MAPK10: variants seen among roughly 807,000 people sequenced by gnomAD.
MAPK10 encodes the protein mitogen-activated protein kinase 10.
A neutral mutation model predicts 59.3 loss-of-function variants in MAPK10; 25 were observed. That is an observed-to-expected ratio of 0.42 (90% CI 0.31 to 0.59). The LOEUF (loss-of-function observed/expected upper bound fraction) is 0.59, where lower values mean the gene tolerates loss of function less well. MAPK10 is among the 20% of genes least tolerant of loss of function. MAPK10 has a pLI of 0.15. For synonymous variants in MAPK10, 190 were observed against 200.5 expected, an observed-to-expected ratio of 0.95 and a Z score of 0.44; for missense variants, 351 against 568.9, an observed-to-expected ratio of 0.62 and a Z score of 3.90.
intron 1 of MAPK10, among the ~76,000 whole-genome samples, chr4:86,389,210 C>T (rs1321576068): frequency 6.6e-6 from 1 of 152,122 alleles, no homozygotes; most frequent in Non-Finnish European, 1.5e-5. Flanking sequence ...AAGATATGCT[C>T]ACTCCCCCTT....
chr4:86,583,360 T>C (rs1475807523), intron 1 of MAPK10, among the ~76,000 whole-genome samples: 1 of 152,078 alleles, frequency 6.6e-6, no homozygotes, highest in African/African-American at 2.4e-5. Context: ...ATGCCTACCT[T>C]TTCTAGAAGC....
chr4:86,084,164 G>T (rs1451116564), intron 9 of MAPK10, among the ~76,000 whole-genome samples: 1 of 152,146 alleles, frequency 6.6e-6, no homozygotes, highest in Non-Finnish European at 1.5e-5. Flanking sequence ...AAAAGCAGAG[G>T]GAAAGTAAAG....
intron 1 of MAPK10, among the ~76,000 whole-genome samples, chr4:86,570,874 T>C (rs746329465): frequency 2.6e-5 from 4 of 152,124 alleles, no homozygotes; most frequent in Non-Finnish European, 4.4e-5. Context: ...TAGTCGCCCA[T>C]GGCCAGTTTG....
chr4:86,440,684 A>T (rs1267484777), intron 1 of MAPK10, among the ~76,000 whole-genome samples: 1 of 152,134 alleles, frequency 6.6e-6, no homozygotes, highest in Non-Finnish European at 1.5e-5. Context: ...AATAAAATAT[A>T]ATAGAATATG....
At chr4:86,390,142 C>A (rs2149008077) in intron 1 of MAPK10, among the ~76,000 whole-genome samples, 1 of 152,236 alleles carries the variant, frequency 6.6e-6, no homozygotes, top group East Asian at 1.9e-4. Flanking sequence ...TATCATTTTA[C>A]TACATACATA....
intron 4 of MAPK10, among the ~76,000 whole-genome samples, chr4:86,157,834 A>G (rs898560478): frequency 6.6e-6 from 1 of 152,036 alleles, no homozygotes; most frequent in African/African-American, 2.4e-5. Flanking sequence ...TTTTTGAGTC[A>G]TTAAAGGTCT....
intron 2 of MAPK10, among the ~76,000 whole-genome samples, chr4:86,292,269 C>T (rs1373419600): frequency 6.6e-6 from 1 of 152,114 alleles, no homozygotes; most frequent in Non-Finnish European, 1.5e-5. Context: ...ATCTCAATGG[C>T]TATTAAGAAA....
In MAPK10 at chr4:86,292,169, G is replaced by A. The variant is rs184324917; in HGVS notation, c.-7+62361C>T. Among the ~76,000 whole-genome samples the A allele has an allele frequency of 1.4e-3, 208 of 152,258 alleles. 2 individuals are homozygous for A. The highest frequency in any genetic ancestry group is 4.5e-3 in the African/African-American group (187 of 41,554). ...AGAGTAAGAATACTTTTTAAAAATAGTATCTGGTATTCTATTTCCTATAAA... is the reference window on the plus strand; with the variant it reads ...AGAGTAAGAATACTTTTTAAAAATAATATCTGGTATTCTATTTCCTATAAA... On this transcript the variant is annotated intron_variant, in intron 2 of 13. Transcript: ENST00000641462.
intron 4 of MAPK10, among the ~76,000 whole-genome samples, chr4:86,109,841 A>T (rs889782970): frequency 6.6e-6 from 1 of 152,200 alleles, no homozygotes; most frequent in Non-Finnish European, 1.5e-5. Context: ...ACTAATTTAC[A>T]TTCCCACCAA....
chr4:86,372,599 G>GA (rs2148994582), intron 1 of MAPK10, among the ~76,000 whole-genome samples: 1 of 103,606 alleles, frequency 9.7e-6, no homozygotes, highest in African/African-American at 4.2e-5. Flanking sequence ...AAAAGAAAAG[G>GA]AAAGAAACTC....
intron 2 of MAPK10, among the ~76,000 whole-genome samples, chr4:86,206,225 G>C (rs1038421256): frequency 6.6e-6 from 1 of 151,352 alleles, no homozygotes; most frequent in African/African-American, 2.4e-5. Flanking sequence ...TCCCCAGAGT[G>C]TGATGTTCCC....
chr4:86,156,855 C>A (rs2067934585), intron 4 of MAPK10, among the ~76,000 whole-genome samples: 1 of 152,010 alleles, frequency 6.6e-6, no homozygotes, highest in Non-Finnish European at 1.5e-5. Context: ...AAAAACTCAT[C>A]TTGCAGATTA....
At chr4:86,405,970 G>A (rs1744312679) in intron 1 of MAPK10, among the ~76,000 whole-genome samples, 2 of 152,138 alleles carry the variant, frequency 1.3e-5, no homozygotes, top group South Asian at 2.1e-4. Context: ...AAACAGGTAA[G>A]AAAGAAACCT....
At chr4:86,112,898 G>C (rs754100740) in intron 4 of MAPK10, among the ~76,000 whole-genome samples, 4 of 151,892 alleles carry the variant, frequency 2.6e-5, no homozygotes, top group African/African-American at 4.8e-5. Context: ...GTGTGCTCCT[G>C]TATTGGGTGC....
At chr4:86,288,831 T>C (rs968622981) in intron 2 of MAPK10, among the ~76,000 whole-genome samples, 3 of 151,856 alleles carry the variant, frequency 2.0e-5, no homozygotes, top group Non-Finnish European at 2.9e-5. Context: ...AAAAGAGAGA[T>C]CTTGAATCAT....
intron 3 of MAPK10, among the ~76,000 whole-genome samples, chr4:86,163,191 A>G (rs2070418990): frequency 6.6e-6 from 1 of 152,128 alleles, no homozygotes. Flanking sequence ...ATTTTCTTAG[A>G]TTGATGTCAT....
chr4:86,317,347 G>A (rs2095808171), intron 2 of MAPK10, among the ~76,000 whole-genome samples: 1 of 152,078 alleles, frequency 6.6e-6, no homozygotes, highest in Non-Finnish European at 1.5e-5. Flanking sequence ...TCCCTCCCTA[G>A]AAGATGCCCA....
chr4:86,197,593 AC>A (rs1415328103), intron 2 of MAPK10, among the ~76,000 whole-genome samples: 4 of 152,114 alleles, frequency 2.6e-5, no homozygotes, highest in African/African-American at 9.7e-5. Flanking sequence ...CAAGATTTAG[AC>A]CTATCTACAG....
intron 2 of MAPK10, among the ~76,000 whole-genome samples, chr4:86,329,679 A>G (rs2096107846): frequency 6.6e-6 from 1 of 152,150 alleles, no homozygotes. Flanking sequence ...ATGCTTATGC[A>G]GAGATCCGGA....
Sources: allele counts gnomAD v4.1 joint callset (sites outside exome capture counted in the v4.1 genomes callset), GRCh38; gene constraint gnomAD v4.1.1; transcripts MANE v1.5; gene names NCBI Gene and HGNC (gene_info 2026-07-23, HGNC 2026-07-21).